ABCB5: variants seen among roughly 807,000 people sequenced by gnomAD.
ABCB5 encodes ATP-binding cassette sub-family B member 5.
Under a neutral mutation model 144.2 loss-of-function variants are expected in ABCB5, and 155 were observed. The ratio of observed to expected loss-of-function variants is 1.08; its 90% confidence interval spans 0.94 to 1.23. ABCB5 has a LOEUF of 1.23. Among genes scored for constraint, ABCB5 ranks in the 50% most tolerant of loss-of-function variants. The pLI, the probability that ABCB5 is intolerant of heterozygous loss-of-function variation, is 0.00. For synonymous variants in ABCB5, 610 were observed against 528.6 expected, an observed-to-expected ratio of 1.15 and a Z score of -2.11; for missense variants, 1,830 against 1,520.8, an observed-to-expected ratio of 1.20 and a Z score of -3.38.
intron 20 of ABCB5, among the ~76,000 whole-genome samples, chr7:20,707,057 A>C (rs77572175): frequency 1.7e-4 from 26 of 152,322 alleles, no homozygotes; most frequent in African/African-American, 6.0e-4. Context: ...TCACAAGGAC[A>C]CTGTAGCATA....
intron 20 of ABCB5, among the ~76,000 whole-genome samples, chr7:20,720,943 CAAA>C (rs71020677): frequency 0.058 from 4,129 of 70,818 alleles, 27 homozygotes; most frequent in Middle Eastern, 0.11. Context: ...AACTCTGCCT[CAAA>C]AAAAAAAAAA....
At chr7:20,693,915 T>A (rs1429825122) in intron 16 of ABCB5, among the ~76,000 whole-genome samples, 1 of 151,698 alleles carries the variant, frequency 6.6e-6, no homozygotes, top group East Asian at 1.9e-4. Flanking sequence ...ATGAGCAAAT[T>A]CCCTAAAGTT....
intron 20 of ABCB5, among the ~76,000 whole-genome samples, chr7:20,717,883 CTTTTTTTTTTTTTTTTTTTT>C (rs574592723): frequency 1.4e-4 from 6 of 43,208 alleles, no homozygotes; most frequent in East Asian, 8.4e-4. Flanking sequence ...TTGTAACATT[CTTTTTTTTTTTTTTTTTTTT>C]TTTTTTTTTT....
chr7:20,753,505 A>G lies in ABCB5; in HGVS notation c.3575A>G (p.Lys1192Arg). ...ATSALDNDSEKVVQHALDKAR... is the reference protein window; with the variant it reads ...ATSALDNDSERVVQHALDKAR... ...TCAGCCCTCGATAATGACAGTGAGA[A>G]GGTAACATCATTTTCTTTTATCTCA... Residue 1192 changes from lysine (K) to arginine (R), a missense_variant and splice_region_variant, in exon 27 of 28, where the codon AAG (lysine) becomes AGG (arginine). By Grantham distance (26) the Lys-to-Arg change is conservative (BLOSUM62 2). Transcript: ENST00000404938. The G allele has an allele frequency of 6.2e-7, 1 of 1,610,116 alleles. No individual in the cohort carries two copies. Among genetic ancestry groups the G allele is most frequent in the Non-Finnish European group, 8.5e-7 (1 of 1,178,650 alleles).
intron 26 of ABCB5, among the ~76,000 whole-genome samples, chr7:20,746,479 A>C (rs117672977): frequency 0.018 from 2,727 of 152,324 alleles, 63 homozygotes; most frequent in African/African-American, 0.051. Flanking sequence ...AAAAGTCCTC[A>C]CCAGTCCTAT....
At chr7:20,671,820 T>C (rs1291996679) in intron 14 of ABCB5, among the ~76,000 whole-genome samples, 1 of 152,262 alleles carries the variant, frequency 6.6e-6, no homozygotes, top group Non-Finnish European at 1.5e-5. Flanking sequence ...CATGAGCTTT[T>C]ATTTCTCTTG....
chr7:20,733,515 C>A (rs1562584876), intron 23 of ABCB5, among the ~76,000 whole-genome samples: 1 of 152,028 alleles, frequency 6.6e-6, no homozygotes, highest in African/African-American at 2.4e-5. Context: ...GGACTGTTAA[C>A]ATAAGAGTAA....
At chr7:20,703,829 T>A (rs528857383) in intron 19 of ABCB5, among the ~76,000 whole-genome samples, 3 of 152,276 alleles carry the variant, frequency 2.0e-5, no homozygotes, top group African/African-American at 7.2e-5. Context: ...TATACTTTTA[T>A]TGCTTGTAAT....
chr7:20,663,808 C>T lies in ABCB5; in HGVS notation c.1707+5132C>T, dbSNP rs745782754. On this transcript the variant is annotated intron_variant, in intron 14 of 27. Transcript: ENST00000404938. ...TCAGCTCACTGCAACCTCCGCCTCT[C>T]AGGTTCAAGCGATTCTCCTGCCTCA... Among the ~76,000 whole-genome samples the T allele has an allele frequency of 2.7e-5, 4 of 149,744 alleles. No homozygotes were observed. The East Asian group carries it at 7.9e-4, about 29-fold the overall frequency.
intron 22 of ABCB5, among the ~76,000 whole-genome samples, chr7:20,727,627 T>C (rs1252240926): frequency 6.6e-6 from 1 of 152,014 alleles, no homozygotes; most frequent in African/African-American, 2.4e-5. Flanking sequence ...CCCAGCTACT[T>C]GGAGGCTGAG....
At chr7:20,733,867 G>A (rs117226097) in intron 23 of ABCB5, among the ~76,000 whole-genome samples, 5,686 of 151,940 alleles carry the variant, frequency 0.037, 125 homozygotes, top group Middle Eastern at 0.065. Flanking sequence ...CTCAAACTCC[G>A]GACCTCAAGT....
intron 23 of ABCB5, 88 bp downstream of exon 23, chr7:20,728,543 C>A: frequency 6.9e-7 from 1 of 1,448,936 alleles, no homozygotes; most frequent in Non-Finnish European, 9.3e-7. Context: ...CACTTGAGGT[C>A]AGGAGTTTGA....
Position 20,658,526 on chromosome 7 carries a change from G to A in ABCB5, c.1557G>A (p.Gly519=). The A allele has an allele frequency of 6.2e-7, 1 of 1,613,900 alleles. No individual in the cohort carries two copies. Among genetic ancestry groups the A allele is most frequent in the South Asian group, 1.1e-5 (1 of 91,036 alleles). ...EFPNKFNTLV[G]EKGAQMSGGQ... ...ATTAGAAATTTAATACATTGGTAGG[G>A]GAAAAAGGAGCTCAAATGAGTGGAG... Residue 519 remains glycine (G), a synonymous_variant, in exon 14 of 28, where the codon GGG becomes GGA. Coordinates refer to ENST00000404938, the MANE Select transcript of ABCB5 (RefSeq NM_001163941.2).
At chr7:20,628,571 T>C (rs1236366809) in intron 3 of ABCB5, 117 bp from the exon 4 acceptor site, 3 of 957,046 alleles carry the variant, frequency 3.1e-6, no homozygotes, top group East Asian at 5.3e-5. Context: ...ACCATCTTAA[T>C]GTATAAAGTC....
chr7:20,632,277 T>G (rs542081524), intron 5 of ABCB5, among the ~76,000 whole-genome samples, 164 bp downstream of exon 5: 42 of 152,274 alleles, frequency 2.8e-4, no homozygotes, highest in Middle Eastern at 6.8e-3. Flanking sequence ...ATACAATTAG[T>G]ACATATTTTT....
At chr7:20,699,712 A>C (rs889679562) in intron 17 of ABCB5, 113 bp from the exon 18 acceptor site, 7 of 683,754 alleles carry the variant, frequency 1.0e-5, no homozygotes, top group Non-Finnish European at 1.6e-5. Flanking sequence ...GTCTCATAAA[A>C]GAAAAAAAAA....
At chr7:20,713,041 C>G (rs1781548012) in intron 20 of ABCB5, among the ~76,000 whole-genome samples, 1 of 149,528 alleles carries the variant, frequency 6.7e-6, no homozygotes, top group South Asian at 2.1e-4. Flanking sequence ...TTACCAACAT[C>G]TTCTCAACCC....
At chr7:20,651,921 G>A (rs572006939) in intron 13 of ABCB5, among the ~76,000 whole-genome samples, 1 of 152,128 alleles carries the variant, frequency 6.6e-6, no homozygotes, top group East Asian at 1.9e-4. Flanking sequence ...TTTCAATGTG[G>A]CCCAGGGAAG....
chr7:20,673,498 T>G lies in ABCB5; in HGVS notation c.1708-8007T>G, dbSNP rs147426751. Among the ~76,000 whole-genome samples, 239 of 152,216 alleles carry G rather than the reference T, an allele frequency of 1.6e-3. 1 individual carries two copies. Among genetic ancestry groups the G allele is most frequent in the African/African-American group, 5.6e-3 (232 of 41,578 alleles). On this transcript the variant is annotated intron_variant, in intron 14 of 27. Coordinates refer to ENST00000404938, the MANE Select transcript of ABCB5 (RefSeq NM_001163941.2). The stretch of plus-strand genomic sequence containing the variant: ...ATGTTCTCTTGATGAATCGAGCCCT[T>G]ATTCATTAGGAAATAAACTTATTTA...
Sources: allele counts gnomAD v4.1 joint callset (sites outside exome capture counted in the v4.1 genomes callset), GRCh38; gene constraint gnomAD v4.1.1; transcripts MANE v1.5; gene names NCBI Gene and HGNC (gene_info 2026-07-23, HGNC 2026-07-21).